PLCE1: variants seen among roughly 807,000 people sequenced by gnomAD.
The protein encoded by PLCE1 is phospholipase C epsilon 1, also known as 1-phosphatidylinositol 4,5-bisphosphate phosphodiesterase epsilon-1.
Under a neutral mutation model 242.8 loss-of-function variants are expected in PLCE1, and 119 were observed. The observed-to-expected ratio is 0.49, with a 90% CI of 0.42 to 0.57. PLCE1 has a LOEUF of 0.57. PLCE1 is among the 20% of genes least tolerant of loss of function. The pLI is 0.00. For synonymous variants in PLCE1, 945 were observed against 1,017.4 expected (o/e 0.93, Z 1.35); for missense variants, 2,441 against 2,788.8 (o/e 0.88, Z 2.81).
In PLCE1 at chr10:94,292,449, C is replaced by A. The variant is rs531310913; in HGVS notation, c.5036-1059C>A. Among the ~76,000 whole-genome samples, 7 of 152,276 alleles carry A rather than the reference C, an allele frequency of 4.6e-5. No homozygotes were observed. The South Asian group carries it at 1.4e-3, about 32-fold the overall frequency. On this transcript the variant is annotated intron_variant, in intron 22 of 32. Transcript: ENST00000371380. ...CAAATATTCCAAAATCCGAAGAAATCTGAAATCTGAAACACTTTCATGTCC... is the reference window on the plus strand; with the variant it reads ...CAAATATTCCAAAATCCGAAGAAATATGAAATCTGAAACACTTTCATGTCC...
intron 1 of PLCE1, among the ~76,000 whole-genome samples, chr10:94,015,373 G>A (rs1589857328): frequency 6.6e-6 from 1 of 152,216 alleles, no homozygotes; most frequent in Non-Finnish European, 1.5e-5. Flanking sequence ...TGAGAGGGTA[G>A]AATGCTTTTC....
At chr10:94,027,524 A>G (rs914708461) in intron 1 of PLCE1, among the ~76,000 whole-genome samples, 1 of 152,210 alleles carries the variant, frequency 6.6e-6, no homozygotes, top group Non-Finnish European at 1.5e-5. Flanking sequence ...AAAGCCACAT[A>G]TAAGATAAGC....
At position 94,298,606 on chromosome 10, in the gene PLCE1, C is replaced by T; in HGVS notation, c.5395C>T (p.Pro1799Ser). ...PAATRIDSSN[P>S]NPLMFWLHGI... ...TGCCACCCGCATCGACTCTTCCAACCCGAACCCCCTCATGTTCTGGCTCCA... is the reference window on the plus strand; with the variant it reads ...TGCCACCCGCATCGACTCTTCCAACTCGAACCCCCTCATGTTCTGGCTCCA... The change falls in exon 24 of 33, where the codon CCG becomes TCG. Residue 1799 changes from proline to serine, a missense_variant. This residue lies in a region of PLCE1 where 1,004 missense variants were observed against 1,322.7 expected (regional missense o/e 0.76). Coordinates refer to ENST00000371380, the MANE Select transcript of PLCE1 (RefSeq NM_016341.4). The surrounding 1 kb of genome is among the most constrained non-coding windows in gnomAD (Gnocchi z 5.2). 1 of 1,614,058 alleles carries T rather than the reference C, an allele frequency of 6.2e-7. No homozygotes were observed. The highest frequency in any genetic ancestry group is 1.1e-5 in the South Asian group (1 of 91,070).
At chr10:94,110,063 T>C (rs1168315302) in intron 2 of PLCE1, among the ~76,000 whole-genome samples, 1 of 107,746 alleles carries the variant, frequency 9.3e-6, no homozygotes, top group Non-Finnish European at 2.0e-5. Flanking sequence ...TTTTTCTTTT[T>C]TTTTTTTTTT....
chr10:94,126,588 G>A (rs2046443382), intron 2 of PLCE1, among the ~76,000 whole-genome samples: 1 of 152,190 alleles, frequency 6.6e-6, no homozygotes, highest in Admixed American at 6.5e-5. Flanking sequence ...TAGCTGTCTA[G>A]CAAGTGTGGA....
chr10:94,306,427 A>T lies in PLCE1; in HGVS notation c.5623A>T (p.Ile1875Phe), dbSNP rs772943934. 6.2e-7 allele frequency: 1 copy of T among 1,613,876 alleles called. No individual in the cohort carries two copies. Among genetic ancestry groups the T allele is most frequent in the South Asian group, 1.1e-5 (1 of 91,064 alleles). Residue 1875 changes from isoleucine (I) to phenylalanine (F), a missense_variant and splice_region_variant, in exon 26 of 33, where the codon ATT becomes TTT. This residue lies in a region of PLCE1 where 1,004 missense variants were observed against 1,322.7 expected (regional missense o/e 0.76). Transcript: ENST00000371380. The surrounding 1 kb of genome is among the most constrained non-coding windows in gnomAD (Gnocchi z 5.7). Reference protein sequence around the residue: ...SMDPAVYSLTIVSGQNVCPSN... With the variant: ...SMDPAVYSLTFVSGQNVCPSN... Reference sequence around the variant, plus strand: ...ATCCCTTTTGTCTCCCTCACCCTAGATTGTCTCTGGTCAGAATGTGTGCCC... The same window carrying T: ...ATCCCTTTTGTCTCCCTCACCCTAGTTTGTCTCTGGTCAGAATGTGTGCCC...
chr10:94,287,713 T>G (rs1347706063), intron 22 of PLCE1, among the ~76,000 whole-genome samples: 1 of 151,996 alleles, frequency 6.6e-6, no homozygotes. Flanking sequence ...TTGTCCTGGG[T>G]TTTTTTCTCC....
chr10:94,282,007 G>A (rs1002327821), intron 20 of PLCE1, among the ~76,000 whole-genome samples: 2 of 151,162 alleles, frequency 1.3e-5, no homozygotes, highest in South Asian at 2.1e-4. Flanking sequence ...CTAGCTTCTC[G>A]TAATAATGGG....
At chr10:94,115,298 G>A (rs1258595554) in intron 2 of PLCE1, among the ~76,000 whole-genome samples, 2 of 152,166 alleles carry the variant, frequency 1.3e-5, no homozygotes, top group African/African-American at 4.8e-5. Flanking sequence ...TGGGATGGCT[G>A]GGTCAAATGG....
chr10:94,248,171 T>A (rs749936846), intron 8 of PLCE1, among the ~76,000 whole-genome samples: 1 of 152,226 alleles, frequency 6.6e-6, no homozygotes, highest in Non-Finnish European at 1.5e-5. Context: ...CCTACACCCA[T>A]GTCACGATTA....
intron 3 of PLCE1, among the ~76,000 whole-genome samples, chr10:94,164,360 C>G (rs536318068): frequency 6.6e-6 from 1 of 152,066 alleles, no homozygotes; most frequent in African/African-American, 2.4e-5. Flanking sequence ...TCTTTTTATT[C>G]TTTTTTCTCT....
At position 94,254,257 on chromosome 10, in the gene PLCE1, G is replaced by A. The variant is rs201350449; in HGVS notation, c.3347G>A (p.Arg1116Gln). The change falls in exon 10 of 33, where the codon CGA becomes CAA. Residue 1116 changes from arginine (R) to glutamine (Q), a missense_variant. Arg to Gln is a conservative substitution (Grantham distance 43, BLOSUM62 1). Around this residue, in one of 5 missense-constraint regions of PLCE1, gnomAD observed 1,004 missense variants for 1,322.7 expected, o/e 0.76. Transcript: ENST00000371380. ...TRKAKMHKECRSRSGSDPQDI... is the reference protein window; with the variant it reads ...TRKAKMHKECQSRSGSDPQDI... ...AAGGCCAAGATGCACAAAGAGTGTC[G>A]AAGCCGGAGTGGTTCTGATCCTCAA... 3.2e-4 allele frequency: 517 copies of A among 1,614,018 alleles called. 1 individual carries two copies. Among genetic ancestry groups the A allele is most frequent in the Non-Finnish European group, 4.1e-4 (486 of 1,179,920 alleles).
In PLCE1 at chr10:94,254,182, GT is replaced by G; in HGVS notation, c.3280-6del. 1 of 1,597,538 alleles carries G rather than the reference GT, an allele frequency of 6.3e-7. No individual in the cohort carries two copies. The highest frequency in any genetic ancestry group is 8.6e-7 in the Non-Finnish European group (1 of 1,164,864). ...GGCTTGGAACCATCGTGAGCTTTGT[GT>G]TCCCAGGGTGAGAGTGGAGAGGTAA... On this transcript the variant is annotated splice_region_variant and splice_polypyrimidine_tract_variant and intron_variant, in intron 9 of 32. Coordinates refer to ENST00000371380, the MANE Select transcript of PLCE1 (RefSeq NM_016341.4).
intron 29 of PLCE1, among the ~76,000 whole-genome samples, chr10:94,320,323 T>C (rs1275532769): frequency 2.0e-5 from 3 of 152,076 alleles, no homozygotes; most frequent in Non-Finnish European, 2.9e-5. Flanking sequence ...TTTTCACTCA[T>C]TGAAAAAAGT....
chr10:94,321,851 T>C, intron 29 of PLCE1, 50 bp from the exon 30 acceptor site: 1 of 1,433,880 alleles, frequency 7.0e-7, no homozygotes, highest in Non-Finnish European at 9.8e-7. Context: ...TGTCTTTCTT[T>C]ATTCTGCATA....
intron 23 of PLCE1, among the ~76,000 whole-genome samples, chr10:94,296,895 G>A (rs2052842914): frequency 6.7e-6 from 1 of 150,364 alleles, no homozygotes; most frequent in East Asian, 1.9e-4. Context: ...TTTTTTTGAG[G>A]CAGAGTCTCA....
intron 2 of PLCE1, among the ~76,000 whole-genome samples, chr10:94,114,730 G>GA (rs1554857599): frequency 2.1e-5 from 3 of 145,172 alleles, no homozygotes; most frequent in African/African-American, 7.6e-5. Context: ...TATGCCCTAT[G>GA]TTTTTTTTTG....
chr10:94,271,264 T>C (rs1344042366), intron 18 of PLCE1, among the ~76,000 whole-genome samples: 1 of 149,920 alleles, frequency 6.7e-6, no homozygotes, highest in Non-Finnish European at 1.5e-5. Flanking sequence ...AAGCTGAAAA[T>C]ATCTCAGGGC....
intron 1 of PLCE1, among the ~76,000 whole-genome samples, chr10:94,002,112 A>G (rs2060942888): frequency 6.8e-6 from 1 of 147,536 alleles, no homozygotes; most frequent in Admixed American, 6.7e-5. Flanking sequence ...GTAGTTGTGA[A>G]AAAAAAAAAG....
Sources: allele counts gnomAD v4.1 joint callset (sites outside exome capture counted in the v4.1 genomes callset), GRCh38; gene constraint gnomAD v4.1.1; regional missense constraint gnomAD v4.1.1; non-coding constraint Gnocchi (gnomAD v3.1); transcripts MANE v1.5; gene names NCBI Gene and HGNC (gene_info 2026-07-23, HGNC 2026-07-21).